Variants in FAT3 observed in about 807,000 individuals in gnomAD.
FAT3 encodes protocadherin Fat 3.
Under a neutral mutation model 310.2 loss-of-function variants are expected in FAT3, and 95 were observed. That is an observed-to-expected ratio of 0.31 (90% CI 0.26 to 0.36). The LOEUF (loss-of-function observed/expected upper bound fraction) is 0.36, where lower values mean the gene tolerates loss of function less well. Ranked by LOEUF, FAT3 falls within the 10% of genes least tolerant of loss-of-function variation. The pLI, the probability that FAT3 is intolerant of heterozygous loss-of-function variation, is 1.00. For missense variants in FAT3, 5,408 were observed against 5,715.6 expected (o/e 0.95, Z 1.74); for synonymous variants, 2,314 against 2,192.9 (o/e 1.06, Z -1.54).
intron 1 of FAT3, among the ~76,000 whole-genome samples, chr11:92,236,987 C>T (rs572586452): frequency 5.0e-4 from 76 of 151,686 alleles, no homozygotes; most frequent in African/African-American, 1.8e-3. Context: ...ATGTAAATCC[C>T]GTTTTTTCCC....
intron 1 of FAT3, among the ~76,000 whole-genome samples, chr11:92,270,678 C>T (rs2845863): frequency 6.6e-6 from 1 of 151,948 alleles, no homozygotes; most frequent in South Asian, 2.1e-4. Flanking sequence ...AAGAGCAAAA[C>T]TTCACCTCAA....
chr11:92,354,097 C>G lies in FAT3; in HGVS notation c.1985C>G (p.Ala662Gly). The G allele has an allele frequency of 6.2e-7, 1 of 1,613,716 alleles. No individual in the cohort carries two copies. The highest frequency in any genetic ancestry group is 8.5e-7 in the Non-Finnish European group (1 of 1,179,782). Residue 662 changes from alanine (A) to glycine (G), a missense_variant, in exon 2 of 28, where the codon GCA becomes GGA. Transcript: ENST00000525166. ...RITATDGENL[A>G]DPMSINISVL... ...ACAGCAACTGATGGAGAGAATCTTG[C>G]AGACCCCATGTCTATTAACATTTCA...
At chr11:92,617,861 G>A (rs1464403262) in intron 3 of FAT3, among the ~76,000 whole-genome samples, 4 of 152,260 alleles carry the variant, frequency 2.6e-5, no homozygotes, top group South Asian at 2.1e-4. Flanking sequence ...TCTCAGAGGG[G>A]CACCCGGCTC....
chr11:92,727,678 C>G (rs1415720931), intron 4 of FAT3, among the ~76,000 whole-genome samples: 1 of 152,158 alleles, frequency 6.6e-6, no homozygotes, highest in African/African-American at 2.4e-5. Flanking sequence ...GGAGCAGTGA[C>G]TGGCATCCAT....
intron 8 of FAT3, 150 bp from the exon 9 acceptor site, chr11:92,792,617 C>T (rs1947066610): frequency 1.5e-6 from 1 of 675,974 alleles, no homozygotes; most frequent in Non-Finnish European, 2.5e-6. Flanking sequence ...CTTCATGATA[C>T]TACCATTTAC....
At chr11:92,805,525 A>G (rs1026973000) in intron 11 of FAT3, among the ~76,000 whole-genome samples, 176 bp downstream of exon 11, 4 of 151,992 alleles carry the variant, frequency 2.6e-5, no homozygotes, top group African/African-American at 9.7e-5. Context: ...TGAAAAGAGT[A>G]TAGGTAGCAA....
At chr11:92,402,844 CAAA>C (rs747991950) in intron 2 of FAT3, among the ~76,000 whole-genome samples, 3 of 131,202 alleles carry the variant, frequency 2.3e-5, no homozygotes, top group African/African-American at 2.8e-5. Flanking sequence ...TATCAAAAAC[CAAA>C]AAAAAAAAAG....
chr11:92,484,854 T>C (rs980072967), intron 2 of FAT3, among the ~76,000 whole-genome samples: 1 of 152,336 alleles, frequency 6.6e-6, no homozygotes, highest in Non-Finnish European at 1.5e-5. Context: ...CTGTAGTGGG[T>C]CTGTAGGTGA....
chr11:92,532,395 A>C (rs1366756929), intron 3 of FAT3, among the ~76,000 whole-genome samples: 1 of 152,114 alleles, frequency 6.6e-6, no homozygotes, highest in South Asian at 2.1e-4. Context: ...GTCTTATGTA[A>C]CTTCAGTTAA....
chr11:92,534,365 G>A (rs918558179), intron 3 of FAT3, among the ~76,000 whole-genome samples: 2 of 152,200 alleles, frequency 1.3e-5, no homozygotes, highest in African/African-American at 4.8e-5. Context: ...GCTAGGATTG[G>A]TCTGATTGAT....
At chr11:92,470,762 T>G (rs1291634943) in intron 2 of FAT3, among the ~76,000 whole-genome samples, 1 of 152,244 alleles carries the variant, frequency 6.6e-6, no homozygotes, top group Admixed American at 6.5e-5. Flanking sequence ...GTGCTACTTG[T>G]AATCTGGTAC....
chr11:92,698,700 G>T (rs1944011880), intron 4 of FAT3, among the ~76,000 whole-genome samples: 2 of 151,982 alleles, frequency 1.3e-5, no homozygotes, highest in African/African-American at 4.8e-5. Context: ...AATAATTATA[G>T]TAATTCTTTT....
Position 92,801,105 on chromosome 11 carries a change from G to C in FAT3, c.8092G>C (p.Val2698Leu), listed in dbSNP as rs374013215. Residue 2698 changes from valine (V) to leucine (L), a missense_variant, in exon 10 of 28, where the codon GTC (valine) becomes CTC (leucine). By Grantham distance (32) the Val-to-Leu change is conservative. Around this residue, in one of 5 missense-constraint regions of FAT3, gnomAD observed 4,588 missense variants for 4,809.8 expected, o/e 0.95. Transcript: ENST00000525166. The stretch of plus-strand genomic sequence containing the variant: ...CTCCCTCATTCCTGTCTATATCCAC[G>C]TCTTGCCCCCTGAAACGTTCTTGCC... ...KHSLIPVYIH[V>L]LPPETFLPSF... The C allele has an allele frequency of 6.2e-7, 1 of 1,613,914 alleles. No homozygotes were observed. Among genetic ancestry groups the C allele is most frequent in the Admixed American group, 1.7e-5 (1 of 60,026 alleles).
chr11:92,281,859 C>T (rs1008614233), intron 1 of FAT3, among the ~76,000 whole-genome samples: 1 of 152,084 alleles, frequency 6.6e-6, no homozygotes, highest in Non-Finnish European at 1.5e-5. Flanking sequence ...ATTCAAGGAT[C>T]CTACTCTTCA....
intron 3 of FAT3, among the ~76,000 whole-genome samples, chr11:92,649,312 G>T (rs1204419254): frequency 1.3e-5 from 2 of 152,132 alleles, no homozygotes; most frequent in African/African-American, 4.8e-5. Flanking sequence ...ATACAAATCA[G>T]CATTTGATGC....
chr11:92,837,048 G>A (rs1948426225), intron 16 of FAT3, among the ~76,000 whole-genome samples: 1 of 151,946 alleles, frequency 6.6e-6, no homozygotes, highest in African/African-American at 2.4e-5. Context: ...TCGGTGAGCA[G>A]GTACAAAAAG....
chr11:92,853,436 G>C (rs1948885744), intron 19 of FAT3, among the ~76,000 whole-genome samples: 1 of 152,220 alleles, frequency 6.6e-6, no homozygotes, highest in Non-Finnish European at 1.5e-5. Flanking sequence ...CCCTAGGTCT[G>C]GGCTTTTCTC....
At chr11:92,558,698 C>A (rs1955107428) in intron 3 of FAT3, among the ~76,000 whole-genome samples, 1 of 152,032 alleles carries the variant, frequency 6.6e-6, no homozygotes, top group African/African-American at 2.4e-5. Flanking sequence ...TTTGATTACC[C>A]AAAGAAGTAT....
At chr11:92,428,500 A>G (rs558777900) in intron 2 of FAT3, among the ~76,000 whole-genome samples, 1 of 152,092 alleles carries the variant, frequency 6.6e-6, no homozygotes, top group East Asian at 1.9e-4. Context: ...GATCTTCTGC[A>G]CTTTCTCCTG....
Sources: gnomAD v4.1 joint callset for allele counts (sites outside exome capture counted in the v4.1 genomes callset) on GRCh38, gnomAD v4.1.1 for gene constraint, gnomAD v4.1.1 regional missense constraint, MANE v1.5 for transcripts, NCBI Gene and HGNC (gene_info 2026-07-23, HGNC 2026-07-21) for gene names.